PRDM16: variants seen among roughly 807,000 people sequenced by gnomAD.
PRDM16 encodes PR/SET domain 16, also known as histone-lysine N-methyltransferase PRDM16.
PRDM16 carries 23 observed loss-of-function variants against 110.6 expected under a neutral mutation model. The observed-to-expected ratio is 0.21, with a 90% CI of 0.15 to 0.29. The LOEUF (loss-of-function observed/expected upper bound fraction) is 0.29, where lower values mean the gene tolerates loss of function less well. PRDM16 is among the 10% of genes least tolerant of loss of function. The pLI, the probability that PRDM16 is intolerant of heterozygous loss-of-function variation, is 1.00. For missense variants in PRDM16, 1,615 were observed against 1,794.3 expected (o/e 0.90, Z 1.81); for synonymous variants, 799 against 781.8 (o/e 1.02, Z -0.37).
intron 3 of PRDM16, among the ~76,000 whole-genome samples, chr1:3,300,751 G>A (rs1172617888): frequency 6.6e-6 from 1 of 151,966 alleles, no homozygotes; most frequent in East Asian, 1.9e-4. Context: ...CCATCCCCCC[G>A]AACCCCATTT....
chr1:3,375,254 G>A (rs1303862737), intron 3 of PRDM16, among the ~76,000 whole-genome samples: 1 of 152,184 alleles, frequency 6.6e-6, no homozygotes, highest in Non-Finnish European at 1.5e-5. Context: ...ACTCCCCCCA[G>A]GACATGGTGC....
At chr1:3,137,537 T>C (rs1316053965) in intron 1 of PRDM16, among the ~76,000 whole-genome samples, 1 of 152,150 alleles carries the variant, frequency 6.6e-6, no homozygotes. Context: ...GGGGGTCAGA[T>C]TGGATGTGGC....
At chr1:3,166,993 A>G in intron 1 of PRDM16, among the ~76,000 whole-genome samples, 1 of 152,156 alleles carries the variant, frequency 6.6e-6, no homozygotes, top group East Asian at 1.9e-4. Context: ...ACTGTCCAGT[A>G]AGGCTGAACA....
intron 8 of PRDM16, 88 bp downstream of exon 8, chr1:3,405,736 C>T (rs1474641069): frequency 1.5e-6 from 2 of 1,364,226 alleles, no homozygotes; most frequent in Non-Finnish European, 9.8e-7. Context: ...CCCAAGGTCT[C>T]CCCCGATCCG....
chr1:3,135,937 C>T (rs4648363), intron 1 of PRDM16, among the ~76,000 whole-genome samples: 89,052 of 152,062 alleles, frequency 0.59, 28,508 homozygotes, highest in East Asian at 1. Flanking sequence ...GGCCTCTTGG[C>T]GGCCTGGGCG....
At chr1:3,127,153 C>T (rs1458575135) in intron 1 of PRDM16, among the ~76,000 whole-genome samples, 3 of 152,232 alleles carry the variant, frequency 2.0e-5, no homozygotes, top group Non-Finnish European at 2.9e-5. Flanking sequence ...TTTTGCAAAA[C>T]TCAAAATAGA....
intron 3 of PRDM16, among the ~76,000 whole-genome samples, chr1:3,288,315 G>A (rs1255044540): frequency 6.6e-6 from 1 of 152,186 alleles, no homozygotes; most frequent in African/African-American, 2.4e-5. Flanking sequence ...TGTGGACCCA[G>A]GCTCAGGGGC....
intron 1 of PRDM16, among the ~76,000 whole-genome samples, chr1:3,158,175 C>T (rs546050717): frequency 2.6e-5 from 4 of 152,270 alleles, no homozygotes; most frequent in African/African-American, 4.8e-5. Flanking sequence ...CCACCATCCC[C>T]GTAACGGGAT....
At chr1:3,242,793 A>C (rs1639704977) in intron 2 of PRDM16, among the ~76,000 whole-genome samples, 1 of 152,244 alleles carries the variant, frequency 6.6e-6, no homozygotes, top group African/African-American at 2.4e-5. Context: ...GAGGGGAAAG[A>C]AAATCTTTGG....
intron 3 of PRDM16, among the ~76,000 whole-genome samples, chr1:3,274,681 C>T (rs1413451266): frequency 6.6e-6 from 1 of 152,210 alleles, no homozygotes; most frequent in Admixed American, 6.5e-5. Context: ...CTGCGAGCTG[C>T]GTGATTATTA....
intron 1 of PRDM16, among the ~76,000 whole-genome samples, chr1:3,170,064 T>TTTCTTTC (rs201589407): frequency 6.6e-6 from 1 of 152,192 alleles, no homozygotes; most frequent in Admixed American, 6.5e-5. Context: ...TGAATTTTTT[T>TTTCTTTC]TTTCTTTCTT....
Position 3,201,287 on chromosome 1 carries a change from T to TC in PRDM16, c.387+14814dup, listed in dbSNP as rs1244243856. Reference sequence around the variant, plus strand: ...TCTCTTGCCTCTAAAATTCGCTTTGTCATGGGATTTAAAATTACTTCAATT... The same window carrying TC: ...TCTCTTGCCTCTAAAATTCGCTTTGTCCATGGGATTTAAAATTACTTCAATT... On this transcript the variant is annotated intron_variant, in intron 2 of 16. Transcript: ENST00000270722. This position sits in a 1 kb window ranked among gnomAD's most constrained non-coding sequence, Gnocchi z 4.1. 3.2e-5 allele frequency among the ~76,000 whole-genome samples: 2 copies of TC among 62,616 alleles called. No homozygotes were observed. Among genetic ancestry groups the TC allele is most frequent in the Non-Finnish European group, 6.6e-5 (2 of 30,256 alleles). The allele number at this position is 62,616 out of a possible 152,430, so 41.1% of individuals were successfully genotyped here.
Position 3,076,471 on chromosome 1 carries a change from G to A in PRDM16, c.37+7175G>A, listed in dbSNP as rs544835684. On this transcript the variant is annotated intron_variant, in intron 1 of 16. Transcript: ENST00000270722. ...GCTAGTGGCCGCCGGCTGGTCCCCT[G>A]CGTGGAGTGGCTCAGGGAAAGCGTC... Among the ~76,000 whole-genome samples, 430 of 152,328 alleles carry A rather than the reference G, an allele frequency of 2.8e-3. 2 individuals are homozygous for A. Among genetic ancestry groups the A allele is most frequent in the African/African-American group, 9.6e-3 (398 of 41,578 alleles).
chr1:3,317,226 T>A (rs114987361), intron 3 of PRDM16, among the ~76,000 whole-genome samples: 402 of 152,292 alleles, frequency 2.6e-3, no homozygotes, highest in African/African-American at 9.5e-3. Context: ...GATGTTTGCA[T>A]CTTTGCTGTC....
chr1:3,310,260 C>T (rs1363407226), intron 3 of PRDM16, among the ~76,000 whole-genome samples: 6 of 152,172 alleles, frequency 3.9e-5, no homozygotes, highest in Admixed American at 6.5e-5. Context: ...CCGGCACACT[C>T]TGGGGCCCAA....
chr1:3,265,598 G>T lies in PRDM16; in HGVS notation c.438+21461G>T, dbSNP rs530580442. On this transcript the variant is annotated intron_variant, in intron 3 of 16. Coordinates refer to ENST00000270722, the MANE Select transcript of PRDM16 (RefSeq NM_022114.4). This position sits in a 1 kb window ranked among gnomAD's most constrained non-coding sequence, Gnocchi z 4.5. The stretch of plus-strand genomic sequence containing the variant: ...AGGGGTCGTCCTGGTGGGAGAGGGA[G>T]AAGCAGACCGCAGAGGCCCCTCTTG... Among the ~76,000 whole-genome samples the T allele has an allele frequency of 1.4e-4, 21 of 152,216 alleles. No individual in the cohort carries two copies. The South Asian group carries it at 3.9e-3, about 29-fold the overall frequency.
chr1:3,207,203 T>A (rs1292125919), intron 2 of PRDM16: 2 of 152,214 alleles, frequency 1.3e-5, no homozygotes, highest in Non-Finnish European at 2.9e-5. Flanking sequence ...ATTGATCCCT[T>A]TTTATGACTT....
chr1:3,404,082 T>G (rs1200280073), intron 6 of PRDM16, among the ~76,000 whole-genome samples: 1 of 152,234 alleles, frequency 6.6e-6, no homozygotes, highest in Non-Finnish European at 1.5e-5. Context: ...GTTTCTGATC[T>G]GAATGGATGG....
chr1:3,378,243 GC>G (rs1452081179), intron 3 of PRDM16, among the ~76,000 whole-genome samples: 1 of 152,196 alleles, frequency 6.6e-6, no homozygotes, highest in Non-Finnish European at 1.5e-5. Context: ...AGCATCCAGA[GC>G]CCAGGGAGGC....
Sources: allele counts gnomAD v4.1 joint callset (sites outside exome capture counted in the v4.1 genomes callset), GRCh38; gene constraint gnomAD v4.1.1; non-coding constraint Gnocchi (gnomAD v3.1); transcripts MANE v1.5; gene names NCBI Gene and HGNC (gene_info 2026-07-23, HGNC 2026-07-21).